Variants in CPNE8 observed in about 807,000 individuals in gnomAD.
CPNE8 encodes the protein copine-8.
A neutral mutation model predicts 81.5 loss-of-function variants in CPNE8; 45 were observed. The observed-to-expected ratio is 0.55, with a 90% CI of 0.44 to 0.71. CPNE8 has a LOEUF of 0.71. Ranked by LOEUF, CPNE8 falls within the 30% of genes least tolerant of loss-of-function variation. The pLI is 0.00. For missense variants in CPNE8, 594 were observed against 672.1 expected, an observed-to-expected ratio of 0.88 and a Z score of 1.28; for synonymous variants, 252 against 226.3, an observed-to-expected ratio of 1.11 and a Z score of -1.02.
intron 10 of CPNE8, among the ~76,000 whole-genome samples, chr12:38,757,312 T>C (rs1251788074): frequency 6.6e-6 from 1 of 151,960 alleles, no homozygotes. Context: ...CCTATCATAG[T>C]CACTCTGATG....
At chr12:38,681,100 T>C (rs543014004) in intron 16 of CPNE8, among the ~76,000 whole-genome samples, 1 of 152,102 alleles carries the variant, frequency 6.6e-6, no homozygotes, top group South Asian at 2.1e-4. Context: ...ATACTTGAAA[T>C]TTTCATTAGT....
intron 13 of CPNE8, among the ~76,000 whole-genome samples, chr12:38,717,091 C>G (rs1433139706): frequency 6.6e-6 from 1 of 151,828 alleles, no homozygotes; most frequent in East Asian, 1.9e-4. Flanking sequence ...TGATGAGATA[C>G]CACCTTATTC....
At chr12:38,871,427 C>T (rs745456869) in intron 3 of CPNE8, among the ~76,000 whole-genome samples, 10 of 152,252 alleles carry the variant, frequency 6.6e-5, no homozygotes, top group African/African-American at 7.2e-5. Context: ...GTCAGTAAGC[C>T]GTTCCACTGT....
chr12:38,851,156 T>C (rs1013026134), intron 3 of CPNE8, among the ~76,000 whole-genome samples: 4 of 152,274 alleles, frequency 2.6e-5, no homozygotes, highest in Admixed American at 2.0e-4. Flanking sequence ...AATTACGTGG[T>C]CTCAGGTATT....
At chr12:38,792,520 C>T (rs1942350835) in intron 6 of CPNE8, among the ~76,000 whole-genome samples, 1 of 151,520 alleles carries the variant, frequency 6.6e-6, no homozygotes, top group Non-Finnish European at 1.5e-5. Context: ...ACTATCAAGA[C>T]TGGATCATGA....
chr12:38,839,416 G>C (rs997756170), intron 5 of CPNE8, among the ~76,000 whole-genome samples: 1 of 151,914 alleles, frequency 6.6e-6, no homozygotes, highest in African/African-American at 2.4e-5. Flanking sequence ...AACTATAAGT[G>C]ACTTGAGGAC....
intron 13 of CPNE8, among the ~76,000 whole-genome samples, chr12:38,717,448 T>TATATATATATAC (rs1940431091): frequency 2.9e-5 from 4 of 137,658 alleles, no homozygotes; most frequent in Admixed American, 1.4e-4. Flanking sequence ...TATATATATA[T>TATATATATATAC]ATATATATAT....
chr12:38,856,807 T>C (rs1036112088), intron 3 of CPNE8, among the ~76,000 whole-genome samples: 2 of 152,142 alleles, frequency 1.3e-5, no homozygotes, highest in Non-Finnish European at 2.9e-5. Context: ...TGATTAACCA[T>C]AGAATAAAAT....
chr12:38,786,733 A>G (rs1275350959), intron 6 of CPNE8, among the ~76,000 whole-genome samples: 2 of 152,180 alleles, frequency 1.3e-5, no homozygotes, highest in African/African-American at 4.8e-5. Flanking sequence ...AAAACTATCA[A>G]AAGAGACAAA....
chr12:38,707,473 G>A (rs2136701568), intron 13 of CPNE8, among the ~76,000 whole-genome samples: 1 of 150,882 alleles, frequency 6.6e-6, no homozygotes, highest in South Asian at 2.1e-4. Context: ...GGGAAGGAAG[G>A]TAAGAAGGAA....
intron 19 of CPNE8, among the ~76,000 whole-genome samples, chr12:38,657,367 T>C (rs755399627): frequency 6.6e-6 from 1 of 152,042 alleles, no homozygotes; most frequent in Non-Finnish European, 1.5e-5. Flanking sequence ...GTAAACAAAG[T>C]GGCAAGGAAG....
At position 38,653,530 on chromosome 12, in the gene CPNE8, T is replaced by G. The variant is rs892098944; in HGVS notation, c.*352A>C. 1 of 184,166 alleles carries G rather than the reference T, an allele frequency of 5.4e-6. No homozygotes were observed. The highest frequency in any genetic ancestry group is 2.4e-5 in the African/African-American group (1 of 42,352). 11.4% of individuals were successfully genotyped at this position (184,166 alleles called of 1,614,324 possible). A position where few individuals can be genotyped will look rare whatever the true frequency, so the allele number is the denominator to read the frequency against. ...CATTGATACAGAGACTGCTTTCCTA[T>G]ACACATAGCAGTCGAAGACAATATT... On this transcript the variant is annotated 3_prime_UTR_variant, in exon 20 of 20. Coordinates refer to ENST00000331366, the MANE Select transcript of CPNE8 (RefSeq NM_153634.3).
chr12:38,706,561 T>C (rs1306747079), intron 13 of CPNE8, among the ~76,000 whole-genome samples: 1 of 152,168 alleles, frequency 6.6e-6, no homozygotes, highest in Admixed American at 6.6e-5. Flanking sequence ...CAAAATAATA[T>C]GTATATATTC....
rs142685497 is a variant in CPNE8 at position 38,662,550 on chromosome 12, A to C, written c.1506+8179T>G. On this transcript the variant is annotated intron_variant, in intron 19 of 19. Coordinates refer to ENST00000331366, the MANE Select transcript of CPNE8 (RefSeq NM_153634.3). ...GGATTGGAATAATTAATATTGTTAA[A>C]ATGACCATACTACCCAAAGCAATCT... is the stretch of plus-strand genomic sequence containing the variant. 3.0e-3 allele frequency among the ~76,000 whole-genome samples: 454 copies of C among 152,318 alleles called. 4 individuals are homozygous for C. The highest frequency in any genetic ancestry group is 9.7e-3 in the African/African-American group (405 of 41,582).
chr12:38,707,426 T>C (rs1313499304), intron 13 of CPNE8, among the ~76,000 whole-genome samples: 1 of 150,946 alleles, frequency 6.6e-6, no homozygotes, highest in East Asian at 1.9e-4. Flanking sequence ...AACAATGAAC[T>C]GTAGAAAAGA....
intron 3 of CPNE8, among the ~76,000 whole-genome samples, chr12:38,865,444 C>A (rs1943900389): frequency 6.6e-6 from 1 of 152,164 alleles, no homozygotes; most frequent in Non-Finnish European, 1.5e-5. Context: ...GAGAACCATG[C>A]AGCAACAGGC....
chr12:38,784,827 A>G (rs74908976), intron 6 of CPNE8, among the ~76,000 whole-genome samples: 5,144 of 152,296 alleles, frequency 0.034, 273 homozygotes, highest in East Asian at 0.19. Flanking sequence ...TCTCAGACAA[A>G]CAAAATCTTA....
At chr12:38,838,948 T>G (rs1379842762) in intron 5 of CPNE8, among the ~76,000 whole-genome samples, 1 of 152,078 alleles carries the variant, frequency 6.6e-6, no homozygotes, top group Non-Finnish European at 1.5e-5. Flanking sequence ...TCTCCAAACT[T>G]CATGGGAAAT....
intron 6 of CPNE8, among the ~76,000 whole-genome samples, chr12:38,808,165 C>G (rs2136979340): frequency 2.0e-5 from 3 of 152,200 alleles, no homozygotes; most frequent in Middle Eastern, 3.4e-3. Flanking sequence ...GGACTGTAAA[C>G]TAGTTCAACC....
Sources: gnomAD v4.1 joint callset for allele counts (sites outside exome capture counted in the v4.1 genomes callset) on GRCh38, gnomAD v4.1.1 for gene constraint, MANE v1.5 for transcripts, NCBI Gene and HGNC (gene_info 2026-07-23, HGNC 2026-07-21) for gene names.